CADM1: variants seen among roughly 807,000 people sequenced by gnomAD.
The protein encoded by CADM1 is cell adhesion molecule 1, also known as TSLC-1.
A neutral mutation model predicts 53.1 loss-of-function variants in CADM1; 15 were observed. The observed-to-expected ratio is 0.28, with a 90% CI of 0.19 to 0.44. CADM1 has a LOEUF of 0.44. CADM1 is among the 20% of genes least tolerant of loss of function. The pLI is 1.00. For missense variants in CADM1, 434 were observed against 611.3 expected (o/e 0.71, Z 3.06); for synonymous variants, 281 against 243.0 (o/e 1.16, Z -1.45).
intron 1 of CADM1, chr11:115,363,845 G>A (rs1946090245): frequency 6.6e-6 from 1 of 152,142 alleles, no homozygotes; most frequent in African/African-American, 2.4e-5. Flanking sequence ...GATCCCGTAA[G>A]ATTATAATAC....
chr11:115,190,750 G>A, intron 10 of CADM1, 138 bp downstream of exon 10: 2 of 648,816 alleles, frequency 3.1e-6, no homozygotes, highest in Non-Finnish European at 5.5e-6. Flanking sequence ...GAGGAAGACA[G>A]TATTGATACA....
chr11:115,297,015 T>A (rs1393787267), intron 1 of CADM1, among the ~76,000 whole-genome samples: 2 of 152,238 alleles, frequency 1.3e-5, no homozygotes, highest in Non-Finnish European at 1.5e-5. Context: ...GCAGCATCTA[T>A]GTAGAACAAG....
At position 115,416,471 on chromosome 11, in the gene CADM1, G is replaced by C. The variant is rs150672326; in HGVS notation, c.124+87800C>G. ...ACAAATCACATCTAGTATTCTTGTA[G>C]ACTCTCCTTATCAGTATTTAAGCAG... On this transcript the variant is annotated intron_variant, in intron 1 of 11. Coordinates refer to ENST00000331581, the MANE Select transcript of CADM1 (RefSeq NM_001301043.2). Among the ~76,000 whole-genome samples, 509 of 152,130 alleles carry C rather than the reference G, an allele frequency of 3.3e-3. 12 individuals are homozygous for C. The East Asian group carries it at 0.046, about 14-fold the overall frequency.
intron 1 of CADM1, among the ~76,000 whole-genome samples, chr11:115,248,330 C>T (rs570417315): frequency 6.6e-6 from 1 of 152,304 alleles, no homozygotes; most frequent in Admixed American, 6.5e-5. Context: ...TAGCTGCCTT[C>T]CCTTTAAAAG....
chr11:115,236,220 A>G (rs946119982), intron 3 of CADM1, among the ~76,000 whole-genome samples: 6 of 152,220 alleles, frequency 3.9e-5, no homozygotes, highest in Non-Finnish European at 7.3e-5. Flanking sequence ...GAAGATAGCA[A>G]CGAAGATGCT....
intron 3 of CADM1, among the ~76,000 whole-genome samples, chr11:115,234,175 A>T (rs1400803132): frequency 2.0e-5 from 3 of 152,016 alleles, no homozygotes; most frequent in Admixed American, 6.5e-5. Context: ...GTCTCTGTTT[A>T]CCCCAAGCTT....
chr11:115,204,968 G>A (rs182682475), intron 8 of CADM1, among the ~76,000 whole-genome samples: 14 of 152,190 alleles, frequency 9.2e-5, no homozygotes, highest in Non-Finnish European at 1.6e-4. Flanking sequence ...AATTGGGTAC[G>A]TACTTTTAAA....
At chr11:115,207,383 G>C (rs1039640144) in intron 8 of CADM1, 7 of 152,174 alleles carry the variant, frequency 4.6e-5, no homozygotes, top group African/African-American at 1.7e-4. Context: ...GACAGAAATA[G>C]AGCATTGTTT....
chr11:115,421,578 A>T (rs973055470), intron 1 of CADM1, among the ~76,000 whole-genome samples: 1 of 152,238 alleles, frequency 6.6e-6, no homozygotes, highest in Non-Finnish European at 1.5e-5. Flanking sequence ...ACTGCATACA[A>T]AATGCAAACA....
chr11:115,260,793 C>A (rs1402706837), intron 1 of CADM1, among the ~76,000 whole-genome samples: 1 of 152,134 alleles, frequency 6.6e-6, no homozygotes, highest in African/African-American at 2.4e-5. Flanking sequence ...CTGCCTCAGC[C>A]TCCCGAGTAG....
intron 1 of CADM1, among the ~76,000 whole-genome samples, chr11:115,286,325 C>T (rs1300037834): frequency 6.6e-6 from 1 of 152,088 alleles, no homozygotes; most frequent in African/African-American, 2.4e-5. Context: ...CTCACACACT[C>T]ACACCCACAC....
intron 1 of CADM1, among the ~76,000 whole-genome samples, chr11:115,346,693 G>C (rs1409819250): frequency 1.3e-5 from 2 of 152,188 alleles, no homozygotes; most frequent in African/African-American, 2.4e-5. Flanking sequence ...CTGTCAGAGA[G>C]AGGCCCGGAT....
At chr11:115,382,151 A>G (rs1946595612) in intron 1 of CADM1, among the ~76,000 whole-genome samples, 1 of 152,156 alleles carries the variant, frequency 6.6e-6, no homozygotes, top group African/African-American at 2.4e-5. Context: ...GGCAATAATT[A>G]GGATTTTAAT....
chr11:115,364,116 C>A (rs1223366810), intron 1 of CADM1, among the ~76,000 whole-genome samples: 2 of 152,146 alleles, frequency 1.3e-5, no homozygotes, highest in Non-Finnish European at 2.9e-5. Context: ...TCAGAACATA[C>A]CTCCATCGTG....
intron 1 of CADM1, among the ~76,000 whole-genome samples, chr11:115,365,562 A>T (rs1430672194): frequency 2.0e-5 from 3 of 152,020 alleles, no homozygotes; most frequent in South Asian, 2.1e-4. Context: ...AAAAAACAAA[A>T]ATATATATAT....
At chr11:115,302,267 A>G (rs536621447) in intron 1 of CADM1, among the ~76,000 whole-genome samples, 1 of 152,238 alleles carries the variant, frequency 6.6e-6, no homozygotes, top group Admixed American at 6.5e-5. Flanking sequence ...AAGTCTTCCT[A>G]TGTAACAAAC....
intron 1 of CADM1, among the ~76,000 whole-genome samples, chr11:115,495,960 T>TA (rs35168224): frequency 6.6e-6 from 1 of 152,182 alleles, no homozygotes; most frequent in Non-Finnish European, 1.5e-5. Context: ...CTGTGACCCT[T>TA]AAAAAGTCTT....
intron 1 of CADM1, among the ~76,000 whole-genome samples, chr11:115,405,144 G>A (rs190899659): frequency 2.3e-3 from 353 of 152,024 alleles, no homozygotes; most frequent in Admixed American, 6.4e-3. Flanking sequence ...TTTTAAAGAC[G>A]GGGTCTTGCT....
intron 1 of CADM1, among the ~76,000 whole-genome samples, chr11:115,490,613 C>T (rs1202430483): frequency 2.0e-5 from 3 of 151,934 alleles, no homozygotes; most frequent in Non-Finnish European, 2.9e-5. Flanking sequence ...TTGGCCAGGC[C>T]GATCTCGAAC....
Sources: gnomAD v4.1 joint callset for allele counts (sites outside exome capture counted in the v4.1 genomes callset) on GRCh38, gnomAD v4.1.1 for gene constraint, MANE v1.5 for transcripts, NCBI Gene and HGNC (gene_info 2026-07-23, HGNC 2026-07-21) for gene names.